The following SCAPER variants were observed in gnomAD, a reference collection of about 807,000 sequenced individuals.
SCAPER encodes the protein S phase cyclin A-associated protein in the endoplasmic reticulum.
A neutral mutation model predicts 182.2 loss-of-function variants in SCAPER; 98 were observed. The ratio of observed to expected loss-of-function variants is 0.54; its 90% CI spans 0.46 to 0.64. The LOEUF (loss-of-function observed/expected upper bound fraction) is 0.64. SCAPER is among the 30% of genes least tolerant of loss of function. SCAPER has a pLI of 0.00. For synonymous variants in SCAPER, 605 were observed against 564.6 expected (o/e 1.07, Z -1.01); for missense variants, 1,432 against 1,690.0 (o/e 0.85, Z 2.68).
chr15:76,769,610 A>G (rs1439531739), intron 10 of SCAPER, among the ~76,000 whole-genome samples: 2 of 152,174 alleles, frequency 1.3e-5, no homozygotes, highest in Non-Finnish European at 2.9e-5. Flanking sequence ...TCAAAACCAC[A>G]TAAGATACCA....
intron 20 of SCAPER, among the ~76,000 whole-genome samples, chr15:76,671,941 G>A (rs1404681301): frequency 6.6e-6 from 1 of 152,102 alleles, no homozygotes; most frequent in Non-Finnish European, 1.5e-5. Flanking sequence ...TTTGAGAACA[G>A]CATTTGAAAG....
chr15:76,900,120 T>TAA (rs2074691489), intron 1 of SCAPER, among the ~76,000 whole-genome samples: 1 of 152,148 alleles, frequency 6.6e-6, no homozygotes, highest in South Asian at 2.1e-4. Flanking sequence ...TGTGCTTTGT[T>TAA]AAACAGATGC....
At chr15:76,625,260 T>G (rs2146155418) in intron 21 of SCAPER, among the ~76,000 whole-genome samples, 1 of 152,234 alleles carries the variant, frequency 6.6e-6, no homozygotes, top group African/African-American at 2.4e-5. Flanking sequence ...TGGGTGGGCA[T>G]GGCAGTGGAT....
At chr15:76,404,728 C>A (rs1385972221) in intron 26 of SCAPER, 49 bp from the exon 27 acceptor site, 1 of 1,560,580 alleles carries the variant, frequency 6.4e-7, no homozygotes, top group Admixed American at 1.7e-5. Context: ...AGGCCAGCAA[C>A]ATCTTCACCT....
At chr15:76,754,149 T>A (rs574711959) in intron 14 of SCAPER, among the ~76,000 whole-genome samples, 1 of 152,050 alleles carries the variant, frequency 6.6e-6, no homozygotes, top group Non-Finnish European at 1.5e-5. Context: ...AGCTGCATAA[T>A]CTAGACAACT....
chr15:76,419,681 T>C (rs1044792317), intron 26 of SCAPER, among the ~76,000 whole-genome samples: 9 of 151,858 alleles, frequency 5.9e-5, no homozygotes, highest in East Asian at 1.9e-4. Context: ...GATTGTACCA[T>C]TGCACTCCAG....
At chr15:76,746,812 G>C (rs1361322225) in intron 15 of SCAPER, among the ~76,000 whole-genome samples, 1 of 152,064 alleles carries the variant, frequency 6.6e-6, no homozygotes, top group East Asian at 1.9e-4. Context: ...TTTAAACAAA[G>C]CAGTGAAATA....
chr15:76,564,257 C>T (rs561458755), intron 23 of SCAPER, among the ~76,000 whole-genome samples: 3 of 152,208 alleles, frequency 2.0e-5, no homozygotes, highest in Admixed American at 6.5e-5. Flanking sequence ...GATCCTATAT[C>T]TAGAAAACCC....
chr15:76,850,462 C>A (rs551682132), intron 4 of SCAPER, among the ~76,000 whole-genome samples: 1 of 152,274 alleles, frequency 6.6e-6, no homozygotes, highest in South Asian at 2.1e-4. Context: ...AAAGAAAGAA[C>A]CAATGCAAGA....
chr15:76,538,733 A>G (rs201328979), intron 23 of SCAPER, among the ~76,000 whole-genome samples: 1 of 145,678 alleles, frequency 6.9e-6, no homozygotes, highest in Admixed American at 6.9e-5. Flanking sequence ...TAAAAAAAAA[A>G]GAAAAAAATA....
chr15:76,383,790 A>G (rs1423442561), intron 27 of SCAPER, among the ~76,000 whole-genome samples: 2 of 152,222 alleles, frequency 1.3e-5, no homozygotes, highest in Admixed American at 1.3e-4. Context: ...GGTCAAACGG[A>G]GGCTGACCTC....
chr15:76,646,386 A>C (rs1230305669), intron 21 of SCAPER, among the ~76,000 whole-genome samples: 1 of 152,186 alleles, frequency 6.6e-6, no homozygotes, highest in Non-Finnish European at 1.5e-5. Flanking sequence ...TGGACACTGA[A>C]GCTGATGTCC....
intron 1 of SCAPER, among the ~76,000 whole-genome samples, chr15:76,903,253 G>A (rs1431305603): frequency 1.3e-5 from 2 of 151,968 alleles, no homozygotes; most frequent in Non-Finnish European, 1.5e-5. Context: ...ATATCCTTTG[G>A]ACCAGTCACC....
intron 4 of SCAPER, among the ~76,000 whole-genome samples, chr15:76,850,244 C>T (rs2070595738): frequency 6.6e-6 from 1 of 152,214 alleles, no homozygotes; most frequent in Non-Finnish European, 1.5e-5. Context: ...TCAAACTACA[C>T]TGCAGTTAAA....
chr15:76,523,124 C>A (rs909481425), intron 23 of SCAPER, among the ~76,000 whole-genome samples: 1 of 151,898 alleles, frequency 6.6e-6, no homozygotes, highest in African/African-American at 2.4e-5. Context: ...TGGCATATTG[C>A]TTATATTGCT....
chr15:76,719,751 T>C (rs1360364915), intron 17 of SCAPER, among the ~76,000 whole-genome samples: 1 of 151,940 alleles, frequency 6.6e-6, no homozygotes, highest in Admixed American at 6.6e-5. Flanking sequence ...TCCTTATAAA[T>C]AAGATGCCCA....
chr15:76,428,131 T>C (rs760487342), intron 26 of SCAPER, among the ~76,000 whole-genome samples: 10 of 151,858 alleles, frequency 6.6e-5, no homozygotes, highest in Non-Finnish European at 8.8e-5. Flanking sequence ...AAAACAAACA[T>C]TGGTGAGGAT....
rs201439664 is a variant in SCAPER, at chr15:76,636,458, TAA to T, written c.2646-14631_2646-14630del. On this transcript the variant is annotated intron_variant, in intron 21 of 31. Coordinates refer to ENST00000563290, the MANE Select transcript of SCAPER (RefSeq NM_020843.4). Reference sequence around the variant, plus strand: ...TGACTAAGTACATTTACCTTTAAATTAAAAAAAAAAAAAAATCTCTCAGGTGG... The same window carrying T: ...TGACTAAGTACATTTACCTTTAAATTAAAAAAAAAAAAATCTCTCAGGTGG... Among the ~76,000 whole-genome samples, 89 of 143,428 alleles carry T rather than the reference TAA, an allele frequency of 6.2e-4. 1 individual carries two copies. The highest frequency in any genetic ancestry group is 3.7e-3 in the Admixed American group (54 of 14,444). 94.1% of individuals were successfully genotyped at this position (143,428 alleles called of 152,430 possible). A position where few individuals can be genotyped will look rare whatever the true frequency, so the allele number is the denominator to read the frequency against.
chr15:76,870,210 T>C (rs965785039), intron 2 of SCAPER, among the ~76,000 whole-genome samples: 3 of 152,184 alleles, frequency 2.0e-5, no homozygotes, highest in African/African-American at 7.2e-5. Flanking sequence ...ATAGTTATAA[T>C]ACTTTATTAT....
Sources: gnomAD v4.1 joint callset for allele counts (sites outside exome capture counted in the v4.1 genomes callset) on GRCh38, gnomAD v4.1.1 for gene constraint, MANE v1.5 for transcripts, NCBI Gene and HGNC (gene_info 2026-07-23, HGNC 2026-07-21) for gene names.